Variants in HDAC5 observed in about 807,000 individuals in gnomAD.
HDAC5 encodes the protein histone deacetylase 5, also known as antigen NY-CO-9.
Under a neutral mutation model 133.3 loss-of-function variants are expected in HDAC5, and 25 were observed. The ratio of observed to expected loss-of-function variants is 0.19; its 90% confidence interval spans 0.14 to 0.26. The LOEUF is 0.26. HDAC5 is among the 10% of genes least tolerant of loss of function. HDAC5 has a pLI of 1.00. For synonymous variants in HDAC5, 589 were observed against 610.8 expected, an observed-to-expected ratio of 0.96 and a Z score of 0.53; for missense variants, 1,041 against 1,460.5, an observed-to-expected ratio of 0.71 and a Z score of 4.68.
chr17:44,123,538 G>C lies in HDAC5; in HGVS notation c.-224C>G, dbSNP rs2053143682. 1 of 398,182 alleles carries C rather than the reference G, an allele frequency of 2.5e-6. No individual in the cohort carries two copies. Among genetic ancestry groups the C allele is most frequent in the South Asian group, 1.3e-4 (1 of 7,912 alleles). The allele number at this position is 398,182 out of a possible 1,614,324, so 24.7% of individuals were successfully genotyped here. A position where few individuals can be genotyped will look rare whatever the true frequency, so the allele number is the denominator to read the frequency against. On this transcript the variant is annotated 5_prime_UTR_variant, in exon 1 of 27. Coordinates refer to ENST00000682912, the MANE Select transcript of HDAC5 (RefSeq NM_005474.5). ...CTCGAGCTCCGGCTTCGCGGGCGGC[G>C]GCGGCAGCAGCGGCGGCGGCAGCGG...
intron 3 of HDAC5, among the ~76,000 whole-genome samples, chr17:44,097,403 T>C (rs1014194412): frequency 2.0e-5 from 3 of 152,250 alleles, no homozygotes; most frequent in African/African-American, 7.2e-5. Context: ...AGTGGCCAGA[T>C]GTGGCCAGAG....
intron 2 of HDAC5, chr17:44,111,098 C>T: frequency 2.1e-6 from 1 of 467,796 alleles, no homozygotes; most frequent in Non-Finnish European, 4.1e-6. Flanking sequence ...CAGCCTCTCC[C>T]TGGTTCCTGG....
Position 44,083,807 on chromosome 17 carries a change from C to T in HDAC5, c.2353G>A (p.Gly785Arg). Residue 785 changes from glycine to arginine, a missense_variant and splice_region_variant, in exon 17 of 27, where the codon GGG becomes AGG. Coordinates refer to ENST00000682912, the MANE Select transcript of HDAC5 (RefSeq NM_005474.5). The part of the protein sequence containing the change: ...MYAVLPCGGI[G>R]VDSDTVWNEM... ...CCACTGCTGTACGCCCTACTCACCC[C>T]GATGCCCCCACAAGGCAGCACAGCA... 6.2e-7 allele frequency: 1 copy of T among 1,613,524 alleles called. No individual in the cohort carries two copies. Among genetic ancestry groups the T allele is most frequent in the Non-Finnish European group, 8.5e-7 (1 of 1,179,560 alleles).
chr17:44,088,694 TATC>T, intron 11 of HDAC5, 96 bp from the exon 12 acceptor site: 1 of 1,491,372 alleles, frequency 6.7e-7, no homozygotes, highest in Non-Finnish European at 9.0e-7. Flanking sequence ...CCCTCTGGCA[TATC>T]ACCACCTATA....
rs1254347081 is a variant in HDAC5 at position 44,085,171 on chromosome 17, A to G, written c.2051-16T>C. On this transcript the variant is annotated splice_polypyrimidine_tract_variant and intron_variant, in intron 14 of 26. Coordinates refer to ENST00000682912, the MANE Select transcript of HDAC5 (RefSeq NM_005474.5). ...TAGACCACACCTGGGCCACAGACCT[A>G]TGTGTCAGCCAGCACTGCTCTGGGC... is the stretch of plus-strand genomic sequence containing the variant. 2 of 1,580,666 alleles carry G rather than the reference A, an allele frequency of 1.3e-6. No individual in the cohort carries two copies. Among genetic ancestry groups the G allele is most frequent in the Non-Finnish European group, 8.7e-7 (1 of 1,153,516 alleles).
Position 44,087,477 on chromosome 17 carries a change from C to G in HDAC5, c.1819G>C (p.Glu607Gln), listed in dbSNP as rs1412934411. The G allele has an allele frequency of 6.5e-7, 1 of 1,549,264 alleles. No individual in the cohort carries two copies. Among genetic ancestry groups the G allele is most frequent in the Non-Finnish European group, 8.9e-7 (1 of 1,121,136 alleles). ...EEEDCIQVKD[E>Q]EGESGAEEGP... The stretch of plus-strand genomic sequence containing the variant: ...TCCTCAGCACCACTCTCGCCCTCCT[C>G]GTCCTTAACCTGGATGCAATCCTCC... The change falls in exon 13 of 27, where the codon GAG (glutamate) becomes CAG (glutamine). Residue 607 changes from glutamate (E) to glutamine (Q), a missense_variant. Glu to Gln is a conservative substitution (Grantham distance 29). This residue lies in a region of HDAC5 where 433 missense variants were observed against 531.6 expected (regional missense o/e 0.81). Transcript: ENST00000682912.
chr17:44,086,743 G>T lies in HDAC5; in HGVS notation c.1885-6C>A. The T allele has an allele frequency of 7.7e-7, 1 of 1,291,814 alleles. No individual in the cohort carries two copies. The highest frequency in any genetic ancestry group is 3.6e-5 in the South Asian group (1 of 28,070). 80.0% of individuals were successfully genotyped at this position (1,291,814 alleles called of 1,614,324 possible). On this transcript the variant is annotated splice_region_variant and splice_polypyrimidine_tract_variant and intron_variant, in intron 13 of 26. Transcript: ENST00000682912. Reference sequence around the variant, plus strand: ...GGCTGGGCATCTGAGAACAGCTGGAGGGGAGAATGGGAGGGGGCCTGGGTC... The same window carrying T: ...GGCTGGGCATCTGAGAACAGCTGGATGGGAGAATGGGAGGGGGCCTGGGTC...
At chr17:44,095,651 T>G (rs1049084330) in intron 3 of HDAC5, among the ~76,000 whole-genome samples, 16 of 151,966 alleles carry the variant, frequency 1.1e-4, no homozygotes, top group Admixed American at 8.5e-4. Flanking sequence ...TTTATTGTAA[T>G]TACCCTGAAA....
At chr17:44,081,499 C>T (rs2050387993) in intron 20 of HDAC5, 1 of 151,886 alleles carries the variant, frequency 6.6e-6, no homozygotes, top group Non-Finnish European at 1.5e-5. Flanking sequence ...GTGATCCACC[C>T]ACCTCGGCCT....
intron 10 of HDAC5, 55 bp downstream of exon 10, chr17:44,091,645 C>T (rs1271722386): frequency 5.9e-6 from 9 of 1,514,042 alleles, no homozygotes; most frequent in Non-Finnish European, 8.0e-6. Flanking sequence ...TGGGGGCATG[C>T]AGGACCTGTG....
At chr17:44,080,688 G>A in intron 21 of HDAC5, 75 bp downstream of exon 21, 1 of 1,601,940 alleles carries the variant, frequency 6.2e-7, no homozygotes, top group Non-Finnish European at 8.5e-7. Flanking sequence ...GGGCCTCCGT[G>A]GCTCCCCGCC....
chr17:44,088,270 C>T, intron 12 of HDAC5, 117 bp downstream of exon 12: 1 of 1,442,338 alleles, frequency 6.9e-7, no homozygotes, highest in Admixed American at 2.3e-5. Flanking sequence ...ACCTCGGCCT[C>T]CCAATCAGGC....
At chr17:44,094,743 CGTAT>C (rs959196321) in intron 3 of HDAC5, among the ~76,000 whole-genome samples, 48 of 83,534 alleles carry the variant, frequency 5.7e-4, no homozygotes, top group African/African-American at 1.3e-3. Flanking sequence ...TATGTGTGTA[CGTAT>C]GTGTGTGTAT....
intron 1 of HDAC5, among the ~76,000 whole-genome samples, chr17:44,123,091 A>C (rs1426925089): frequency 6.6e-6 from 1 of 152,166 alleles, no homozygotes; most frequent in Non-Finnish European, 1.5e-5. Flanking sequence ...GTACCAAGAA[A>C]GGGGTGTCCA....
At chr17:44,094,462 C>G (rs1476483272) in intron 3 of HDAC5, among the ~76,000 whole-genome samples, 1 of 151,952 alleles carries the variant, frequency 6.6e-6, no homozygotes, top group Admixed American at 6.6e-5. Flanking sequence ...ATGGTGAAAT[C>G]CTGTCTCTAC....
chr17:44,119,794 T>C (rs1056692637), intron 1 of HDAC5, among the ~76,000 whole-genome samples: 9 of 152,160 alleles, frequency 5.9e-5, no homozygotes, highest in African/African-American at 2.2e-4. Context: ...GTTTAAAACC[T>C]GAGCTGTTTG....
chr17:44,078,410 G>A lies in HDAC5; in HGVS notation c.3335C>T (p.Ala1112Val). Residue 1112 changes from alanine (A) to valine (V), a missense_variant, in exon 27 of 27, where the codon GCA becomes GTA. Physicochemically the swap from Ala to Val is moderately conservative, Grantham distance 64. Around this residue, in one of 9 missense-constraint regions of HDAC5, gnomAD observed 95 missense variants for 107.3 expected, o/e 0.88. Transcript: ENST00000682912. ...AGGCTCCTGCTCCATGGGCTCCTCTGCCGGCCTGTGGGGCAAGCACAGGGG... is the reference window on the plus strand; with the variant it reads ...AGGCTCCTGCTCCATGGGCTCCTCTACCGGCCTGTGGGGCAAGCACAGGGG... Reference protein sequence around the residue: ...AAAREHSPRPAEEPMEQEPAL With the variant: ...AAAREHSPRPVEEPMEQEPAL The A allele has an allele frequency of 6.5e-7, 1 of 1,533,152 alleles. No homozygotes were observed. The highest frequency in any genetic ancestry group is 1.3e-5 in the South Asian group (1 of 79,460). The allele number at this position is 1,533,152 out of a possible 1,614,324, so 95.0% of individuals were successfully genotyped here. A position where few individuals can be genotyped will look rare whatever the true frequency, so the allele number is the denominator to read the frequency against.
chr17:44,111,195 A>C (rs1019267808), intron 2 of HDAC5: 2 of 317,740 alleles, frequency 6.3e-6, no homozygotes, highest in African/African-American at 4.3e-5. Context: ...CCTGGGTGAC[A>C]GCTCTGGGCC....
In HDAC5 at chr17:44,089,384, G is replaced by A. The variant is rs1238063727; in HGVS notation, c.1388-786C>T. ...AGCGCTTTGGGAGGCCAAGGCAGGT[G>A]GATCACTTGAGGTCAGGAGTTCAAG... On this transcript the variant is annotated intron_variant, in intron 11 of 26. Transcript: ENST00000682912. 4.9e-4 allele frequency among the ~76,000 whole-genome samples: 75 copies of A among 152,008 alleles called. 1 individual carries two copies. The highest frequency in any genetic ancestry group is 1.0e-4 in the Non-Finnish European group (7 of 68,020).
Sources: allele counts gnomAD v4.1 joint callset (sites outside exome capture counted in the v4.1 genomes callset), GRCh38; gene constraint gnomAD v4.1.1; regional missense constraint gnomAD v4.1.1; transcripts MANE v1.5; gene names NCBI Gene and HGNC (gene_info 2026-07-23, HGNC 2026-07-21).